Variants in PDLIM7 observed in about 807,000 individuals in gnomAD.
PDLIM7 encodes PDZ and LIM domain protein 7.
A neutral mutation model predicts 53.9 loss-of-function variants in PDLIM7; 37 were observed. The observed-to-expected ratio is 0.69, with a 90% CI of 0.53 to 0.90. PDLIM7 has a LOEUF of 0.90. Among genes scored for constraint, PDLIM7 ranks in the 40% least tolerant of loss-of-function variants. The pLI, the probability that PDLIM7 is intolerant of heterozygous loss-of-function variation, is 0.00. For missense variants in PDLIM7, 617 were observed against 638.5 expected (o/e 0.97, Z 0.36); for synonymous variants, 300 against 261.3 (o/e 1.15, Z -1.43).
chr5:177,493,125 T>C (rs777976174), intron 2 of PDLIM7, among the ~76,000 whole-genome samples: 3 of 152,178 alleles, frequency 2.0e-5, no homozygotes, highest in Non-Finnish European at 4.4e-5. Context: ...CTCTGGCCCA[T>C]GCAGGGGGCA....
intron 7 of PDLIM7, chr5:177,490,480 G>C: frequency 6.5e-7 from 1 of 1,548,592 alleles, no homozygotes; most frequent in Non-Finnish European, 8.7e-7. Flanking sequence ...GAGGGCAGCC[G>C]GCTGGAGAGG....
Position 177,488,146 on chromosome 5 carries a change from C to T in PDLIM7, c.972G>A (p.Lys324=), listed in dbSNP as rs775296977. 5.6e-6 allele frequency: 9 copies of T among 1,613,328 alleles called. No homozygotes were observed. The highest frequency in any genetic ancestry group is 7.6e-6 in the Non-Finnish European group (9 of 1,179,974). ...VLEEGGFFEE[K]GAIFCPPCYD... is the part of the protein sequence containing the mutation. ...AGCATGGTGGGCAGAAGATGGCGCCCTTCTCCTCAAAGAAGCCACCCTCTT... is the reference window on the plus strand; with the variant it reads ...AGCATGGTGGGCAGAAGATGGCGCCTTTCTCCTCAAAGAAGCCACCCTCTT... The change falls in exon 10 of 13, where the codon AAG becomes AAA. Residue 324 remains lysine, a synonymous_variant. Coordinates refer to ENST00000355841, the MANE Select transcript of PDLIM7 (RefSeq NM_005451.5).
chr5:177,489,826 C>A lies in PDLIM7; in HGVS notation c.579G>T (p.Val193=). Residue 193 remains valine (V), a synonymous_variant, in exon 8 of 13, where the codon GTG becomes GTT. Transcript: ENST00000355841. ...DEEHLKKSSQ[V]PRTEAPAPAS... The stretch of plus-strand genomic sequence containing the variant: ...CTGGGGCTGGGGCTTCTGTCCTGGG[C>A]ACCTGGCTGCAAGATCTGCCATTCA... The A allele has an allele frequency of 1.3e-6, 2 of 1,585,954 alleles. No homozygotes were observed. Among genetic ancestry groups the A allele is most frequent in the Non-Finnish European group, 8.6e-7 (1 of 1,167,728 alleles).
intron 10 of PDLIM7, 145 bp from the exon 11 acceptor site, chr5:177,484,335 T>TCTCCAA (rs939131671): frequency 1.1e-6 from 1 of 945,130 alleles, no homozygotes; most frequent in African/African-American, 1.6e-5. Context: ...CACACCTCCA[T>TCTCCAA]CTCCAACTCC....
chr5:177,487,508 T>A (rs749703602), intron 10 of PDLIM7, among the ~76,000 whole-genome samples: 26 of 152,366 alleles, frequency 1.7e-4, no homozygotes, highest in Non-Finnish European at 2.2e-4. Flanking sequence ...GAGTGGTAAG[T>A]AAGCAGGTGC....
intron 2 of PDLIM7, among the ~76,000 whole-genome samples, chr5:177,495,556 T>C (rs28615269): frequency 0.99 from 150,430 of 152,334 alleles, 74,313 homozygotes; most frequent in East Asian, 1. Context: ...CTGGACCATA[T>C]AGCTGGAGCT....
At position 177,492,444 on chromosome 5, in the gene PDLIM7, GAAGGA is replaced by G. The variant is rs1410112731; in HGVS notation, c.249-14_249-10del. The G allele has an allele frequency of 4.3e-6, 7 of 1,613,568 alleles. No homozygotes were observed. On this transcript the variant is annotated splice_polypyrimidine_tract_variant and intron_variant, in intron 3 of 12. Coordinates refer to ENST00000355841, the MANE Select transcript of PDLIM7 (RefSeq NM_005451.5). ...TCTGAACCGGCTGGGCCCTGGAGGA[GAAGGA>G]AAGCGTGACAGCGGGCCGGGCCCGC...
At chr5:177,490,716 A>C in intron 7 of PDLIM7, 154 bp downstream of exon 7, 1 of 53,676 alleles carries the variant, frequency 1.9e-5, no homozygotes, top group Non-Finnish European at 3.4e-5. Context: ...GAGGAAGGGA[A>C]GGAAGGAAGG....
chr5:177,484,329 C>G, intron 10 of PDLIM7, 139 bp from the exon 11 acceptor site: 1 of 1,001,868 alleles, frequency 1.0e-6, no homozygotes, highest in Non-Finnish European at 1.5e-6. Flanking sequence ...GACTCCCACA[C>G]CTCCATCTCC....
chr5:177,492,629 A>AGTCACCCACG lies in PDLIM7; in HGVS notation c.135_144dup (p.Trp49ArgfsTer3), dbSNP rs1758861029. ...TTCTCGCCATCGATGCTCAGCACCC[A>AGTCACCCACG]GTCACCCACGGCCACTCCGGCCTGC... On this transcript the variant is annotated stop_gained and frameshift_variant, in exon 3 of 13. Transcript: ENST00000355841. LOFTEE classifies it high-confidence loss of function. 6.2e-7 allele frequency: 1 copy of AGTCACCCACG among 1,610,510 alleles called. No individual in the cohort carries two copies. The highest frequency in any genetic ancestry group is 1.3e-5 in the African/African-American group (1 of 75,058).
At chr5:177,491,950 G>T in intron 4 of PDLIM7, 25 bp from the exon 5 acceptor site, 2 of 889,384 alleles carry the variant, frequency 2.2e-6, no homozygotes, top group South Asian at 3.4e-5. Flanking sequence ...AGCCGGGCAG[G>T]GCGGGCGGGC....
chr5:177,483,952 T>C lies in PDLIM7; in HGVS notation c.1202A>G (p.His401Arg), dbSNP rs772266043. 8 of 1,613,822 alleles carry C rather than the reference T, an allele frequency of 5.0e-6. No individual in the cohort carries two copies. The South Asian group carries it at 5.5e-5, about 11-fold the overall frequency. Residue 401 changes from histidine (H) to arginine (R), a missense_variant, in exon 12 of 13, where the codon CAT (histidine) becomes CGT (arginine). By Grantham distance (29) the His-to-Arg change is conservative. Coordinates refer to ENST00000355841, the MANE Select transcript of PDLIM7 (RefSeq NM_005451.5). ...AGCGTCGATCTTGAAGTCACAGCCA[T>C]GGCATTTCGTGCCAAACATCTTCTC... ...DYEKMFGTKC[H>R]GCDFKIDAGD...
intron 10 of PDLIM7, among the ~76,000 whole-genome samples, chr5:177,486,931 CTTTTTTTTTTTTTTTT>C (rs60583245): frequency 3.9e-4 from 19 of 48,726 alleles, no homozygotes; most frequent in South Asian, 8.8e-4. Flanking sequence ...GTGCCTGGCC[CTTTTTTTTTTTTTTTT>C]TTTTTTTTTT....
chr5:177,492,788 A>G, intron 2 of PDLIM7, 111 bp from the exon 3 acceptor site: 1 of 1,214,648 alleles, frequency 8.2e-7, no homozygotes, highest in East Asian at 2.4e-5. Flanking sequence ...GAACCCAGAG[A>G]GCTCTTCATT....
Position 177,489,617 on chromosome 5 carries a change from G to T in PDLIM7, c.645C>A (p.Ala215=), listed in dbSNP as rs1047483078. ...TPQEPWPGPT[A]PSPTSRPPWA... Reference sequence around the variant, plus strand: ...AGGGCGGGCGGCTGGTAGGGCTGGGGGCGGTAGGGCCTGCCGGGGAAAGTG... The same window carrying T: ...AGGGCGGGCGGCTGGTAGGGCTGGGTGCGGTAGGGCCTGCCGGGGAAAGTG... The change falls in exon 9 of 13, where the codon GCC becomes GCA. Residue 215 remains alanine (A), a synonymous_variant. Coordinates refer to ENST00000355841, the MANE Select transcript of PDLIM7 (RefSeq NM_005451.5). The T allele has an allele frequency of 1.9e-6, 3 of 1,597,438 alleles. No individual in the cohort carries two copies. Among genetic ancestry groups the T allele is most frequent in the African/African-American group, 2.7e-5 (2 of 74,802 alleles).
intron 10 of PDLIM7, among the ~76,000 whole-genome samples, chr5:177,487,481 G>A (rs1758522979): frequency 6.6e-6 from 1 of 152,234 alleles, no homozygotes; most frequent in Admixed American, 6.5e-5. Flanking sequence ...GGAGGCTGAA[G>A]TGTCATCTTG....
rs1296938320 is a variant in PDLIM7 at position 177,492,603 on chromosome 5, A to G, written c.171T>C (p.Asn57=). 4.3e-6 allele frequency: 7 copies of G among 1,612,910 alleles called. No individual in the cohort carries two copies. The highest frequency in any genetic ancestry group is 5.1e-6 in the Non-Finnish European group (6 of 1,180,004). The stretch of plus-strand genomic sequence containing the variant: ...CTTCGATGTGTGTGAGGCTACCCGC[A>G]TTCTCGCCATCGATGCTCAGCACCC... ...GDWVLSIDGE[N]AGSLTHIEAQ... The change falls in exon 3 of 13, where the codon AAT becomes AAC. Residue 57 remains asparagine, a synonymous_variant. Coordinates refer to ENST00000355841, the MANE Select transcript of PDLIM7 (RefSeq NM_005451.5).
chr5:177,496,646 C>T (rs953512370), intron 1 of PDLIM7, 123 bp from the exon 2 acceptor site: 3 of 551,038 alleles, frequency 5.4e-6, no homozygotes, highest in Non-Finnish European at 9.1e-6. Context: ...CCTGAGCACG[C>T]CCAAGCCATA....
intron 10 of PDLIM7, chr5:177,484,502 C>T (rs1758339917): frequency 2.9e-6 from 1 of 343,448 alleles, no homozygotes; most frequent in Non-Finnish European, 5.5e-6. Flanking sequence ...ACACCCTCCT[C>T]TCACACCCCA....
Sources: gnomAD v4.1 joint callset for allele counts (sites outside exome capture counted in the v4.1 genomes callset) on GRCh38, gnomAD v4.1.1 for gene constraint, MANE v1.5 for transcripts, NCBI Gene and HGNC (gene_info 2026-07-23, HGNC 2026-07-21) for gene names.